Variants in GLI4 observed in about 807,000 individuals in gnomAD.
GLI4 encodes the protein zinc finger protein GLI4.
GLI4 carries 34 observed loss-of-function variants against 30.9 expected under a neutral mutation model. The ratio of observed to expected loss-of-function variants is 1.10; its 90% confidence interval spans 0.84 to 1.47. The LOEUF is 1.47. Among genes scored for constraint, GLI4 ranks in the 40% most tolerant of loss-of-function variants. The probability of loss-of-function intolerance (pLI) is 0.00; values close to 1 mark genes in which losing one functional copy is unlikely to be tolerated. For missense variants in GLI4, 696 were observed against 538.9 expected (o/e 1.29, Z -2.89); for synonymous variants, 277 against 236.7 (o/e 1.17, Z -1.56).
rs1281512155 is a variant in GLI4 at position 143,275,535 on chromosome 8, C to T, written c.224-362C>T. 2.9e-5 allele frequency: 36 copies of T among 1,262,992 alleles called. No individual in the cohort carries two copies. In the East Asian group the frequency reaches 6.1e-4, roughly 21 times the overall value. The allele number at this position is 1,262,992 out of a possible 1,614,324, so 78.2% of individuals were successfully genotyped here. A position where few individuals can be genotyped will look rare whatever the true frequency, so the allele number is the denominator to read the frequency against. On this transcript the variant is annotated intron_variant, in intron 3 of 3. Transcript: ENST00000340042. ...GGGCTTTGAGGCGCCCTCTGGAGCT[C>T]TGGCGTCCCCCAGGCTCCGGGTCCT...
chr8:143,268,856 C>CTGT (rs1815201609), intron 1 of GLI4, among the ~76,000 whole-genome samples: 1 of 148,072 alleles, frequency 6.8e-6, no homozygotes, highest in African/African-American at 2.6e-5. Context: ...GCTGCTGCTG[C>CTGT]TGCTGTTGTT....
intron 2 of GLI4, chr8:143,274,364 G>A (rs1217835915): frequency 1.0e-5 from 2 of 197,174 alleles, no homozygotes; most frequent in Non-Finnish European, 2.1e-5. Flanking sequence ...GCTGGGGCAT[G>A]GAGGAGGGTG....
rs1248263766 is a variant in GLI4 at position 143,276,321 on chromosome 8, C to T, written c.648C>T (p.Cys216=). The T allele has an allele frequency of 6.2e-7, 1 of 1,611,776 alleles. No homozygotes were observed. The highest frequency in any genetic ancestry group is 1.1e-5 in the South Asian group (1 of 90,988). Residue 216 remains cysteine (C), a synonymous_variant, in exon 4 of 4, where the codon TGC becomes TGT. Transcript: ENST00000340042. ...TGEKPYACHE[C]GKRFRGWSGF... ...AGAAGCCCTACGCCTGCCACGAGTG[C>T]GGCAAGCGCTTCCGCGGCTGGTCGG...
At chr8:143,268,838 T>TTGCTGCTGCTGCTGC (rs201537418) in intron 1 of GLI4, among the ~76,000 whole-genome samples, 10 of 148,124 alleles carry the variant, frequency 6.8e-5, no homozygotes, top group East Asian at 2.0e-4. Flanking sequence ...CGTTACTCCT[T>TTGCTGCTGCTGCTGC]TGCTGCTGCT....
chr8:143,268,783 T>C (rs1815197625), intron 1 of GLI4, among the ~76,000 whole-genome samples: 2 of 151,414 alleles, frequency 1.3e-5, no homozygotes, highest in Non-Finnish European at 1.5e-5. Flanking sequence ...AGGCGTCTGC[T>C]GTGCCGCCCA....
rs1311363968 is a variant in GLI4 at position 143,276,169 on chromosome 8, G to A, written c.496G>A (p.Gly166Arg). 1 of 1,553,634 alleles carries A rather than the reference G, an allele frequency of 6.4e-7. No individual in the cohort carries two copies. Among genetic ancestry groups the A allele is most frequent in the South Asian group, 1.2e-5 (1 of 85,250 alleles). The change falls in exon 4 of 4, where the codon GGA (glycine) becomes AGA (arginine). Residue 166 changes from glycine (G) to arginine (R), a missense_variant. Coordinates refer to ENST00000340042, the MANE Select transcript of GLI4 (RefSeq NM_138465.4). ...TGCGCCCGAGCGGGCTGCCGAGCTG[G>A]GAGTCAACTTCGGTCGGAGCCGGCA... ...EGAPERAAELGVNFGRSRQGS... is the reference protein window; with the variant it reads ...EGAPERAAELRVNFGRSRQGS...
intron 3 of GLI4, chr8:143,275,654 T>C: frequency 8.1e-7 from 1 of 1,240,224 alleles, no homozygotes; most frequent in East Asian, 3.2e-5. Flanking sequence ...CCGTGGTGAC[T>C]GTGGATGGTC....
rs1031257674 is a variant in GLI4, at chr8:143,274,903, C to G, written c.223+101C>G. On this transcript the variant is annotated intron_variant, in intron 3 of 3. Transcript: ENST00000340042. Reference sequence around the variant, plus strand: ...GGCACCCCCAATGCTGGCACCACCCCCTTCCTGGGGCCCCTTTTCTTCCCT... The same window carrying G: ...GGCACCCCCAATGCTGGCACCACCCGCTTCCTGGGGCCCCTTTTCTTCCCT... The G allele has an allele frequency of 2.7e-6, 4 of 1,486,886 alleles. No individual in the cohort carries two copies. In the Admixed American group the frequency reaches 8.4e-5, roughly 31 times the overall value. 92.1% of individuals were successfully genotyped at this position (1,486,886 alleles called of 1,614,324 possible).
At chr8:143,273,530 G>C (rs898701831) in intron 2 of GLI4, 1 of 152,346 alleles carries the variant, frequency 6.6e-6, no homozygotes, top group Non-Finnish European at 1.5e-5. Context: ...GGCTGGACTG[G>C]GGAGGTCCCC....
intron 2 of GLI4, among the ~76,000 whole-genome samples, chr8:143,272,191 G>A (rs1039760404): frequency 6.6e-6 from 1 of 152,146 alleles, no homozygotes; most frequent in Non-Finnish European, 1.5e-5. Context: ...AGGCTGTTAG[G>A]GAGGACCCCA....
In GLI4 at chr8:143,274,624, C is replaced by T. The variant is rs529707895; in HGVS notation, c.125-80C>T. ...GGTGTCCTGTGTCAGGGCCACAGCCCGGGAGCACGTGGCGGTCAGAGAGGA... is the reference window on the plus strand; with the variant it reads ...GGTGTCCTGTGTCAGGGCCACAGCCTGGGAGCACGTGGCGGTCAGAGAGGA... On this transcript the variant is annotated intron_variant, in intron 2 of 3. Transcript: ENST00000340042. 1.2e-4 allele frequency: 164 copies of T among 1,411,148 alleles called. No individual in the cohort carries two copies. In the Admixed American group the frequency reaches 1.2e-3, roughly 10 times the overall value. The allele number at this position is 1,411,148 out of a possible 1,614,324, so 87.4% of individuals were successfully genotyped here.
In GLI4 at chr8:143,276,489, C is replaced by G. The variant is rs201405002; in HGVS notation, c.816C>G (p.Cys272Trp). Residue 272 changes from cysteine (C) to tryptophan (W), a missense_variant, in exon 4 of 4, where the codon TGC becomes TGG. Cys to Trp is a radical substitution (Grantham distance 215). Transcript: ENST00000340042. ...AGAAGCCCTACAAGTGCGGCGAGTG[C>G]GGCCAGGCCTTCAGCCAGAGCTCCA... The part of the protein sequence containing the change: ...NGEKPYKCGE[C>W]GQAFSQSSNL... 1 of 1,612,968 alleles carries G rather than the reference C, an allele frequency of 6.2e-7. No homozygotes were observed. Among genetic ancestry groups the G allele is most frequent in the South Asian group, 1.1e-5 (1 of 91,070 alleles).
chr8:143,268,854 T>TGCC (rs1815201347), intron 1 of GLI4, among the ~76,000 whole-genome samples: 1 of 147,526 alleles, frequency 6.8e-6, no homozygotes. Context: ...CTGCTGCTGC[T>TGCC]GCTGCTGTTG....
chr8:143,269,650 T>G (rs1815222401), intron 2 of GLI4, 130 bp downstream of exon 2: 7 of 773,456 alleles, frequency 9.1e-6, no homozygotes, highest in Non-Finnish European at 1.5e-5. Flanking sequence ...TGCAGCTCCT[T>G]CAGCAGCTGG....
At chr8:143,271,379 G>A (rs988187695) in intron 2 of GLI4, among the ~76,000 whole-genome samples, 18 of 152,202 alleles carry the variant, frequency 1.2e-4, no homozygotes, top group African/African-American at 3.9e-4. Flanking sequence ...GAGAGAACGG[G>A]GCCAGGCCGC....
In GLI4 at chr8:143,275,050, C is replaced by T. The variant is rs1048234072; in HGVS notation, c.223+248C>T. ...CTGCGCCAGTGGCCCCACGTGGACT[C>T]CTGCCGGCCCCAGCTGGACACAGTG... On this transcript the variant is annotated intron_variant, in intron 3 of 3. Transcript: ENST00000340042. 26 of 1,533,048 alleles carry T rather than the reference C, an allele frequency of 1.7e-5. No individual in the cohort carries two copies. The Admixed American group carries it at 3.3e-4, about 20-fold the overall frequency. The allele number at this position is 1,533,048 out of a possible 1,614,324, so 95.0% of individuals were successfully genotyped here. A position where few individuals can be genotyped will look rare whatever the true frequency, so the allele number is the denominator to read the frequency against.
chr8:143,268,709 T>A (rs1815195405), intron 1 of GLI4, among the ~76,000 whole-genome samples: 1 of 152,248 alleles, frequency 6.6e-6, no homozygotes, highest in Non-Finnish European at 1.5e-5. Context: ...GGAGGGGTGA[T>A]GCCACGGGCT....
Position 143,267,493 on chromosome 8 carries a change from G to C in GLI4, c.-38+9G>C. ...CTCCTCCCGCTCGGAAGGTGAGTGG[G>C]CGCGGGCGGCGGCGGCGGCTCCGGG... On this transcript the variant is annotated intron_variant, in intron 1 of 3. Transcript: ENST00000340042. 1.0e-6 allele frequency: 1 copy of C among 986,294 alleles called. No homozygotes were observed. The highest frequency in any genetic ancestry group is 4.6e-5 in the South Asian group (1 of 21,708). 61.1% of individuals were successfully genotyped at this position (986,294 alleles called of 1,614,324 possible).
intron 1 of GLI4, 198 bp downstream of exon 1, chr8:143,267,682 C>T (rs897390520): frequency 1.5e-5 from 15 of 985,210 alleles, no homozygotes; most frequent in African/African-American, 1.7e-5. Flanking sequence ...AGCAGCGGAC[C>T]GCCCCGCCCA....
Sources: allele counts gnomAD v4.1 joint callset (sites outside exome capture counted in the v4.1 genomes callset), GRCh38; gene constraint gnomAD v4.1.1; transcripts MANE v1.5; gene names NCBI Gene and HGNC (gene_info 2026-07-23, HGNC 2026-07-21).